The following CORIN variants were observed in gnomAD, a reference collection of about 807,000 sequenced individuals.
CORIN encodes atrial natriuretic peptide-converting enzyme.
In CORIN, 117 loss-of-function variants were observed where a neutral mutation model predicts 125.3. That is an observed-to-expected ratio of 0.93 (90% CI 0.80 to 1.09). The LOEUF is 1.09. Ranked by LOEUF, CORIN falls within the 50% of genes least tolerant of loss-of-function variation. The probability of loss-of-function intolerance (pLI) is 0.00; values close to 1 mark genes in which losing one functional copy is unlikely to be tolerated. For synonymous variants in CORIN, 450 were observed against 466.4 expected, an observed-to-expected ratio of 0.96 and a Z score of 0.45; for missense variants, 1,253 against 1,306.7, an observed-to-expected ratio of 0.96 and a Z score of 0.63.
intron 1 of CORIN, among the ~76,000 whole-genome samples, chr4:47,817,630 G>T (rs144134294): frequency 2.6e-5 from 4 of 152,218 alleles, no homozygotes; most frequent in Non-Finnish European, 5.9e-5. Flanking sequence ...AGAAGTAGAT[G>T]TGAGCTTCTA....
At chr4:47,746,448 C>T (rs1273087837) in intron 4 of CORIN, among the ~76,000 whole-genome samples, 1 of 152,158 alleles carries the variant, frequency 6.6e-6, no homozygotes, top group Admixed American at 6.5e-5. Context: ...GATTAGAACT[C>T]GGGCAGATTG....
intron 1 of CORIN, among the ~76,000 whole-genome samples, chr4:47,820,422 G>C (rs1454323438): frequency 6.6e-6 from 1 of 152,118 alleles, no homozygotes; most frequent in Non-Finnish European, 1.5e-5. Flanking sequence ...ATGCTACACT[G>C]TCAGTGAAAA....
intron 8 of CORIN, among the ~76,000 whole-genome samples, chr4:47,678,694 C>T (rs1288610607): frequency 6.6e-6 from 1 of 152,326 alleles, no homozygotes; most frequent in African/African-American, 2.4e-5. Flanking sequence ...TAATTCCTAT[C>T]GGTTCTCTAA....
intron 20 of CORIN, among the ~76,000 whole-genome samples, chr4:47,601,525 G>C (rs575038302): frequency 6.6e-6 from 1 of 151,914 alleles, no homozygotes; most frequent in South Asian, 2.1e-4. Context: ...TTTTTGTAGA[G>C]ACAGAGTTCC....
chr4:47,716,268 A>T (rs1727085105), intron 5 of CORIN, among the ~76,000 whole-genome samples: 1 of 152,228 alleles, frequency 6.6e-6, no homozygotes, highest in Non-Finnish European at 1.5e-5. Flanking sequence ...TAGTGCAAAC[A>T]ACTATGATCT....
intron 5 of CORIN, among the ~76,000 whole-genome samples, chr4:47,717,549 C>T (rs1428990475): frequency 6.6e-6 from 1 of 152,194 alleles, no homozygotes; most frequent in East Asian, 1.9e-4. Flanking sequence ...GACTTCGCCC[C>T]TGAAATGGGA....
At chr4:47,721,875 G>A (rs1297068162) in intron 5 of CORIN, among the ~76,000 whole-genome samples, 2 of 152,096 alleles carry the variant, frequency 1.3e-5, no homozygotes. Context: ...TCTGGCCATC[G>A]TTTCTTCATT....
intron 5 of CORIN, among the ~76,000 whole-genome samples, chr4:47,737,088 T>G (rs3886431): frequency 6.6e-6 from 1 of 152,042 alleles, no homozygotes; most frequent in Non-Finnish European, 1.5e-5. Context: ...TTGGAACTAC[T>G]CAAGGAGGAA....
At chr4:47,621,930 T>G (rs530097500) in intron 19 of CORIN, among the ~76,000 whole-genome samples, 1 of 150,018 alleles carries the variant, frequency 6.7e-6, no homozygotes, top group South Asian at 2.2e-4. Flanking sequence ...ACATGTGCCA[T>G]GCTGGTGCAC....
At chr4:47,712,737 C>T (rs900917172) in intron 5 of CORIN, among the ~76,000 whole-genome samples, 2 of 152,108 alleles carry the variant, frequency 1.3e-5, no homozygotes, top group Non-Finnish European at 2.9e-5. Flanking sequence ...CTTTTCAAAA[C>T]AAACTGCATA....
intron 1 of CORIN, among the ~76,000 whole-genome samples, chr4:47,836,578 T>A (rs894829674): frequency 6.6e-6 from 1 of 152,236 alleles, no homozygotes; most frequent in African/African-American, 2.4e-5. Context: ...CGAAGTCTTG[T>A]ACAGGAGTCC....
intron 1 of CORIN, 33 bp from the exon 2 acceptor site, chr4:47,807,080 T>G: frequency 6.4e-7 from 1 of 1,571,898 alleles, no homozygotes; most frequent in Non-Finnish European, 8.7e-7. Flanking sequence ...AACATGGTTT[T>G]AGTTTTACAA....
chr4:47,758,612 C>T (rs1368109129), intron 4 of CORIN, among the ~76,000 whole-genome samples: 7 of 152,174 alleles, frequency 4.6e-5, no homozygotes. Context: ...GCTGTGTCCC[C>T]ACCCAAATCT....
At chr4:47,718,230 A>G (rs1251006658) in intron 5 of CORIN, among the ~76,000 whole-genome samples, 1 of 152,192 alleles carries the variant, frequency 6.6e-6, no homozygotes, top group African/African-American at 2.4e-5. Context: ...TCCCAACACT[A>G]ATTCCAATGA....
At chr4:47,654,432 G>A (rs2109645886) in intron 12 of CORIN, among the ~76,000 whole-genome samples, 1 of 152,294 alleles carries the variant, frequency 6.6e-6, no homozygotes, top group East Asian at 1.9e-4. Context: ...GACAAGGGTA[G>A]GAAAGACAGT....
intron 1 of CORIN, among the ~76,000 whole-genome samples, chr4:47,809,275 T>C (rs1298331707): frequency 6.6e-6 from 1 of 152,062 alleles, no homozygotes; most frequent in African/African-American, 2.4e-5. Context: ...AAAGAGTCAG[T>C]GGAGAAAATG....
In CORIN at chr4:47,603,628, T is replaced by A. The variant is rs763146479; in HGVS notation, c.2581A>T (p.Asn861Tyr). 7 of 1,614,102 alleles carry A rather than the reference T, an allele frequency of 4.3e-6. No individual in the cohort carries two copies. The Admixed American group carries it at 1.0e-4, about 23-fold the overall frequency. ...AAVWKVVLGI[N>Y]NLDHPSVFMQ... ...AACACTGATGGATGGTCTAGATTGT[T>A]GATGCCAAGCACCACTTTCCAAACT... Residue 861 changes from asparagine to tyrosine, a missense_variant, in exon 20 of 22, where the codon AAC becomes TAC. By Grantham distance (143) the Asn-to-Tyr change is moderately radical. Coordinates refer to ENST00000273857, the MANE Select transcript of CORIN (RefSeq NM_006587.4).
At chr4:47,831,982 A>G (rs997202307) in intron 1 of CORIN, among the ~76,000 whole-genome samples, 1 of 152,224 alleles carries the variant, frequency 6.6e-6, no homozygotes, top group Non-Finnish European at 1.5e-5. Context: ...AGTGAGGTGG[A>G]GTATTAGTTT....
At chr4:47,837,866 A>C in intron 1 of CORIN, 21 bp downstream of exon 1, 1 of 1,608,698 alleles carries the variant, frequency 6.2e-7, no homozygotes, top group Non-Finnish European at 8.5e-7. Flanking sequence ...CTGCGGTAGG[A>C]CAGCGAATCA....
Sources: gnomAD v4.1 joint callset for allele counts (sites outside exome capture counted in the v4.1 genomes callset) on GRCh38, gnomAD v4.1.1 for gene constraint, MANE v1.5 for transcripts, NCBI Gene and HGNC (gene_info 2026-07-23, HGNC 2026-07-21) for gene names.